The following NPR3 variants were observed in gnomAD, a reference collection of about 807,000 sequenced individuals.
The protein encoded by NPR3 is atrial natriuretic peptide receptor 3.
Under a neutral mutation model 54.5 loss-of-function variants are expected in NPR3, and 34 were observed. The observed-to-expected ratio is 0.62, with a 90% CI of 0.47 to 0.83. NPR3 has a LOEUF of 0.83. Among genes scored for constraint, NPR3 ranks in the 40% least tolerant of loss-of-function variants. NPR3 has a pLI of 0.00. For missense variants in NPR3, 674 were observed against 720.8 expected (o/e 0.94, Z 0.74); for synonymous variants, 289 against 297.1 (o/e 0.97, Z 0.28).
rs2111813033 is a variant in NPR3, at chr5:32,698,472, G to C, written c.100+9286G>C. 2.0e-5 allele frequency among the ~76,000 whole-genome samples: 3 copies of C among 152,122 alleles called. No homozygotes were observed. In the Middle Eastern group the frequency reaches 0.01, roughly 517 times the overall value. On this transcript the variant is annotated intron_variant, in intron 1 of 5. Coordinates refer to the NPR3 transcript ENST00000509104. Reference sequence around the variant, plus strand: ...CTGCAGCCATTGGATGAAATGATCTGTAAATATCTATTAGGTCCATTTGGT... The same window carrying C: ...CTGCAGCCATTGGATGAAATGATCTCTAAATATCTATTAGGTCCATTTGGT...
At chr5:32,691,341 A>G (rs765688486) in intron 1 of NPR3, among the ~76,000 whole-genome samples, 11 of 152,354 alleles carry the variant, frequency 7.2e-5, no homozygotes, top group Non-Finnish European at 1.5e-4. Flanking sequence ...TTTTGGCACA[A>G]TACTGGGATT....
intron 6 of NPR3, chr5:32,783,254 A>G (rs1017232696): frequency 1.2e-5 from 5 of 426,234 alleles, no homozygotes; most frequent in Non-Finnish European, 2.1e-5. Context: ...CTATTTTTAC[A>G]TCTCTTACTA....
intron 1 of NPR3, among the ~76,000 whole-genome samples, chr5:32,693,053 T>C (rs182057258): frequency 0.011 from 1,649 of 152,110 alleles, 19 homozygotes; most frequent in South Asian, 0.015. Flanking sequence ...TCCTGGGAGG[T>C]TGAGGCTGCA....
intron 6 of NPR3, chr5:32,783,229 G>A: frequency 2.1e-6 from 1 of 469,312 alleles, no homozygotes; most frequent in Non-Finnish European, 3.7e-6. Context: ...TTCCACAATG[G>A]TAGAATGTTT....
intron 1 of NPR3, among the ~76,000 whole-genome samples, chr5:32,720,038 T>C (rs528179894): frequency 6.6e-6 from 1 of 152,308 alleles, no homozygotes; most frequent in East Asian, 1.9e-4. Context: ...TGGATTTAGA[T>C]CTATTTCCAA....
At chr5:32,748,841 T>A (rs1324360899) in intron 3 of NPR3, among the ~76,000 whole-genome samples, 1 of 152,236 alleles carries the variant, frequency 6.6e-6, no homozygotes. Flanking sequence ...TTGCTTTTTC[T>A]GGAACTTTAA....
chr5:32,739,552 C>G (rs902433875), intron 3 of NPR3, among the ~76,000 whole-genome samples: 2 of 152,146 alleles, frequency 1.3e-5, no homozygotes, highest in East Asian at 3.8e-4. Context: ...TTGCTTCCTA[C>G]TCACATATTG....
At chr5:32,782,749 C>A in intron 5 of NPR3, 144 bp from the exon 6 acceptor site, 1 of 752,736 alleles carries the variant, frequency 1.3e-6, no homozygotes, top group Non-Finnish European at 2.1e-6. Flanking sequence ...CTGTCCTTGC[C>A]CTGGAGACGG....
chr5:32,741,027 C>T (rs115569001), intron 3 of NPR3, among the ~76,000 whole-genome samples: 4,549 of 131,858 alleles, frequency 0.034, 103 homozygotes, highest in Middle Eastern at 0.094. Flanking sequence ...TTACATATGC[C>T]ACTGTATATT....
rs190454390 is a variant in NPR3, at chr5:32,755,275, G to C, written c.1059+16245G>C. ...GATCTTAGGTTATTTTTCCTTTTCT[G>C]TGCTCAGTGGTGACATATATTTATG... On this transcript the variant is annotated intron_variant, in intron 3 of 7. Coordinates refer to ENST00000265074, the MANE Select transcript of NPR3 (RefSeq NM_001204375.2). Among the ~76,000 whole-genome samples, 28 of 152,212 alleles carry C rather than the reference G, an allele frequency of 1.8e-4. No individual in the cohort carries two copies. In the East Asian group the frequency reaches 5.4e-3, roughly 29 times the overall value.
At chr5:32,725,701 C>G (rs1739105167) in intron 2 of NPR3, among the ~76,000 whole-genome samples, 1 of 152,154 alleles carries the variant, frequency 6.6e-6, no homozygotes, top group East Asian at 1.9e-4. Flanking sequence ...TTTTAGAAAG[C>G]TTTTACTTTA....
At chr5:32,781,422 T>C (rs553327301) in intron 5 of NPR3, among the ~76,000 whole-genome samples, 138 of 152,212 alleles carry the variant, frequency 9.1e-4, no homozygotes, top group Middle Eastern at 3.4e-3. Context: ...AAATATGCAG[T>C]TCTTCAGCAA....
chr5:32,755,066 T>C (rs1021271665), intron 3 of NPR3, among the ~76,000 whole-genome samples: 7 of 152,198 alleles, frequency 4.6e-5, no homozygotes, highest in Non-Finnish European at 1.5e-5. Flanking sequence ...TTCACCATGT[T>C]AGCCAGGATG....
chr5:32,734,832 T>G (rs1227920359), intron 2 of NPR3, among the ~76,000 whole-genome samples: 10 of 152,120 alleles, frequency 6.6e-5, no homozygotes, highest in Non-Finnish European at 7.4e-5. Context: ...GGCTAGTGGC[T>G]CCTCTGTGAG....
At chr5:32,712,943 A>C (rs1181448729) in intron 1 of NPR3, among the ~76,000 whole-genome samples, 2 of 152,132 alleles carry the variant, frequency 1.3e-5, no homozygotes, top group Non-Finnish European at 2.9e-5. Context: ...CTTGTTCCCC[A>C]GTCCTTTGCC....
chr5:32,783,066 C>T lies in NPR3; in HGVS notation c.1426+38C>T, dbSNP rs1361173690. The T allele has an allele frequency of 5.8e-6, 9 of 1,564,764 alleles. No individual in the cohort carries two copies. The East Asian group carries it at 1.4e-4, about 24-fold the overall frequency. On this transcript the variant is annotated intron_variant, in intron 6 of 7. Coordinates refer to ENST00000265074, the MANE Select transcript of NPR3 (RefSeq NM_001204375.2). ...ACTTAATTTGCTATGTATGTCATCA[C>T]CTCTAACCTCAGTGTAATGTAAGTT...
At chr5:32,749,620 A>G (rs1026739234) in intron 3 of NPR3, among the ~76,000 whole-genome samples, 6 of 152,230 alleles carry the variant, frequency 3.9e-5, no homozygotes, top group African/African-American at 1.4e-4. Flanking sequence ...GTTTCACTAC[A>G]AAATTCCCCT....
intron 3 of NPR3, among the ~76,000 whole-genome samples, chr5:32,748,612 C>T (rs955178356): frequency 6.6e-6 from 1 of 152,070 alleles, no homozygotes; most frequent in Non-Finnish European, 1.5e-5. Context: ...TGCTAGTCTC[C>T]CACCAGTGCT....
intron 1 of NPR3, among the ~76,000 whole-genome samples, 153 bp downstream of exon 1, chr5:32,712,698 GC>G (rs1323207485): frequency 3.3e-5 from 5 of 152,262 alleles, no homozygotes; most frequent in African/African-American, 1.2e-4. Context: ...CCGTGTGGCT[GC>G]GACAACCTTT....
Sources: allele counts gnomAD v4.1 joint callset (sites outside exome capture counted in the v4.1 genomes callset), GRCh38; gene constraint gnomAD v4.1.1; transcripts MANE v1.5; gene names NCBI Gene and HGNC (gene_info 2026-07-23, HGNC 2026-07-21).